USH2A: variants seen among roughly 807,000 people sequenced by gnomAD.
USH2A encodes usherin, also known as Usher syndrome 2A (autosomal recessive, mild).
USH2A carries 443 observed loss-of-function variants against 538.9 expected under a neutral mutation model. The ratio of observed to expected loss-of-function variants is 0.82; its 90% CI spans 0.76 to 0.89. The LOEUF (loss-of-function observed/expected upper bound fraction) is 0.89, where lower values mean the gene tolerates loss of function less well. USH2A is among the 40% of genes least tolerant of loss of function. The pLI is 0.00. For synonymous variants in USH2A, 2,413 were observed against 2,273.5 expected, an observed-to-expected ratio of 1.06 and a Z score of -1.75; for missense variants, 6,633 against 6,324.8, an observed-to-expected ratio of 1.05 and a Z score of -1.65.
intron 11 of USH2A, among the ~76,000 whole-genome samples, chr1:216,273,594 A>AC (rs1253417276): frequency 6.6e-6 from 1 of 152,116 alleles, no homozygotes; most frequent in Non-Finnish European, 1.5e-5. Context: ...TGTAATATAC[A>AC]CCTTGATATG....
chr1:215,912,513 G>GTA (rs1491347480), intron 38 of USH2A, among the ~76,000 whole-genome samples: 359 of 16,938 alleles, frequency 0.021, 5 homozygotes, highest in Middle Eastern at 0.11. Flanking sequence ...ATATATATAC[G>GTA]TGTATATATA....
chr1:215,788,949 A>AAC (rs143509139), intron 51 of USH2A, among the ~76,000 whole-genome samples: 1 of 149,240 alleles, frequency 6.7e-6, no homozygotes, highest in African/African-American at 2.5e-5. Flanking sequence ...AACAAAACAA[A>AAC]AAAACAGGGG....
In USH2A at chr1:216,095,222, C is replaced by T. The variant is rs75695641; in HGVS notation, c.4758+1861G>A. On this transcript the variant is annotated intron_variant, in intron 22 of 71. Transcript: ENST00000307340. The stretch of plus-strand genomic sequence containing the variant: ...GAGCATGTGCTTTTTGTTCTCCTTC[C>T]GATTCGCTTCTTAGTGACAGTAGTA... 3.2e-3 allele frequency among the ~76,000 whole-genome samples: 494 copies of T among 152,046 alleles called. 3 individuals carry two copies. Among genetic ancestry groups the T allele is most frequent in the African/African-American group, 0.012 (480 of 41,470 alleles).
intron 38 of USH2A, among the ~76,000 whole-genome samples, chr1:215,907,200 G>C (rs1333188887): frequency 1.3e-5 from 2 of 151,904 alleles, no homozygotes; most frequent in African/African-American, 4.8e-5. Flanking sequence ...GTAATTAATA[G>C]GAGTGAACTG....
At chr1:216,168,660 G>T (rs144372794) in intron 21 of USH2A, among the ~76,000 whole-genome samples, 1 of 152,222 alleles carries the variant, frequency 6.6e-6, no homozygotes, top group African/African-American at 2.4e-5. Flanking sequence ...TTTAGAAGCC[G>T]TGCAGCCTCC....
In USH2A at chr1:215,636,669, G is replaced by A. The variant is rs575329978; in HGVS notation, c.15053-1966C>T. Among the ~76,000 whole-genome samples the A allele has an allele frequency of 8.2e-4, 125 of 152,136 alleles. 1 individual carries two copies. The highest frequency in any genetic ancestry group is 1.4e-3 in the Non-Finnish European group (96 of 68,032). On this transcript the variant is annotated intron_variant, in intron 69 of 71. Coordinates refer to ENST00000307340, the MANE Select transcript of USH2A (RefSeq NM_206933.4). The stretch of plus-strand genomic sequence containing the variant: ...GGGAAGGGAGGGCAGCCTGCCCGAG[G>A]GAAGCCTCAAAAGGGAAATAGCCCT...
chr1:216,015,375 C>T lies in USH2A; in HGVS notation c.6326-14813G>A, dbSNP rs556038226. Among the ~76,000 whole-genome samples, 8 of 152,314 alleles carry T rather than the reference C, an allele frequency of 5.3e-5. No individual in the cohort carries two copies. The East Asian group carries it at 1.5e-3, about 29-fold the overall frequency. On this transcript the variant is annotated intron_variant, in intron 32 of 71. Transcript: ENST00000307340. ...AGCCCTTGCTCCACAATTGCTTGCT[C>T]AGCATTTTGATTCCAGGAGAACCAG... is the stretch of plus-strand genomic sequence containing the variant.
chr1:215,804,552 A>G (rs1662438357), intron 49 of USH2A, among the ~76,000 whole-genome samples: 1 of 148,188 alleles, frequency 6.7e-6, no homozygotes, highest in Admixed American at 6.6e-5. Context: ...ATCACTGGGC[A>G]TCAGAGAAAT....
intron 5 of USH2A, among the ~76,000 whole-genome samples, chr1:216,326,545 C>T (rs1009599296): frequency 1.3e-5 from 2 of 152,144 alleles, no homozygotes; most frequent in Non-Finnish European, 2.9e-5. Context: ...AAACTTTATT[C>T]CCAAAGAATT....
chr1:215,993,704 A>C (rs1668064970), intron 34 of USH2A, among the ~76,000 whole-genome samples: 1 of 152,352 alleles, frequency 6.6e-6, no homozygotes, highest in African/African-American at 2.4e-5. Context: ...AAATTAAATA[A>C]AACAATGTTT....
chr1:215,654,035 AAG>A (rs1429656486), intron 64 of USH2A, among the ~76,000 whole-genome samples: 1 of 152,132 alleles, frequency 6.6e-6, no homozygotes, highest in Non-Finnish European at 1.5e-5. Flanking sequence ...AGAAAAATGG[AAG>A]AGTTATTATT....
At chr1:216,120,542 G>C (rs190553335) in intron 21 of USH2A, among the ~76,000 whole-genome samples, 16 of 150,702 alleles carry the variant, frequency 1.1e-4, no homozygotes, top group Middle Eastern at 3.4e-3. Flanking sequence ...ACAGCGCCCA[G>C]CTAATCTCTT....
intron 51 of USH2A, among the ~76,000 whole-genome samples, chr1:215,789,077 T>C (rs983030893): frequency 6.6e-6 from 1 of 152,200 alleles, no homozygotes; most frequent in South Asian, 2.1e-4. Context: ...AGGATATAAA[T>C]GTCTCCAGGT....
chr1:216,210,336 G>A (rs186353998), intron 15 of USH2A, among the ~76,000 whole-genome samples: 130 of 152,234 alleles, frequency 8.5e-4, no homozygotes, highest in African/African-American at 3.0e-3. Flanking sequence ...CGGAAGGAAT[G>A]CTGAGGGCAG....
intron 3 of USH2A, among the ~76,000 whole-genome samples, chr1:216,403,912 CT>C (rs1260018168): frequency 6.6e-6 from 1 of 152,066 alleles, no homozygotes; most frequent in Non-Finnish European, 1.5e-5. Context: ...ATAAGGGGAT[CT>C]TTCCCCTTCA....
intron 30 of USH2A, among the ~76,000 whole-genome samples, chr1:216,053,999 G>A (rs929909185): frequency 6.6e-6 from 1 of 152,136 alleles, no homozygotes; most frequent in African/African-American, 2.4e-5. Flanking sequence ...CTTAACAGAG[G>A]GGAAGAGCAT....
In USH2A at chr1:215,648,920, A is replaced by AATT. The variant is rs1361837408; in HGVS notation, c.14344-157_14344-155dup. Among the ~76,000 whole-genome samples the AATT allele has an allele frequency of 9.2e-5, 14 of 152,354 alleles. No individual in the cohort carries two copies. In the East Asian group the frequency reaches 2.7e-3, roughly 29 times the overall value. On this transcript the variant is annotated intron_variant, in intron 65 of 71. Transcript: ENST00000307340. ...TTTAGCATGACATTTATCCTCAAAAAATTACCAACTCAGTTAGAGAGGTAT... is the reference window on the plus strand; with the variant it reads ...TTTAGCATGACATTTATCCTCAAAAAATTATTACCAACTCAGTTAGAGAGGTAT...
At chr1:215,804,470 G>A (rs1378427481) in intron 49 of USH2A, among the ~76,000 whole-genome samples, 1 of 151,550 alleles carries the variant, frequency 6.6e-6, no homozygotes, top group Non-Finnish European at 1.5e-5. Context: ...AAAAGTGGGT[G>A]AAGGATATGA....
intron 21 of USH2A, among the ~76,000 whole-genome samples, chr1:216,115,880 T>C (rs1036298279): frequency 9.2e-5 from 14 of 151,832 alleles, no homozygotes; most frequent in South Asian, 2.1e-4. Flanking sequence ...GCTTGTTTTA[T>C]AAAGGAAAAG....
Sources: allele counts gnomAD v4.1 joint callset (sites outside exome capture counted in the v4.1 genomes callset), GRCh38; gene constraint gnomAD v4.1.1; transcripts MANE v1.5; gene names NCBI Gene and HGNC (gene_info 2026-07-23, HGNC 2026-07-21).